NBEAL1: variants seen among roughly 807,000 people sequenced by gnomAD.
The protein encoded by NBEAL1 is neurobeachin like 1, also known as neurobeachin-like protein 1.
Under a neutral mutation model 351.3 loss-of-function variants are expected in NBEAL1, and 273 were observed. The ratio of observed to expected loss-of-function variants is 0.78; its 90% CI spans 0.70 to 0.86. The LOEUF is 0.86. Among genes scored for constraint, NBEAL1 ranks in the 40% least tolerant of loss-of-function variants. NBEAL1 has a pLI of 0.00. For synonymous variants in NBEAL1, 1,050 were observed against 1,086.4 expected (o/e 0.97, Z 0.66); for missense variants, 2,961 against 3,201.3 (o/e 0.92, Z 1.81).
At chr2:203,026,261 G>T (rs185368195) in intron 2 of NBEAL1, among the ~76,000 whole-genome samples, 2 of 152,046 alleles carry the variant, frequency 1.3e-5, no homozygotes, top group African/African-American at 4.8e-5. Flanking sequence ...AATTTATAAT[G>T]TTAGATATTT....
At position 203,107,970 on chromosome 2, in the gene NBEAL1, T is replaced by A. The variant is rs773238185; in HGVS notation, c.1731T>A (p.Thr577=). 10 of 1,554,316 alleles carry A rather than the reference T, an allele frequency of 6.4e-6. No homozygotes were observed. Among genetic ancestry groups the A allele is most frequent in the Non-Finnish European group, 8.7e-6 (10 of 1,147,812 alleles). The change falls in exon 14 of 56, where the codon ACT becomes ACA. Residue 577 remains threonine (T), a synonymous_variant. Coordinates refer to ENST00000683969, the MANE Select transcript of NBEAL1 (RefSeq NM_001378026.1). ...CTGAGTCTGTTCACCCTTATGTCAC[T>A]CCCGTGACTCGAGCAATCCTGACAA... ...DESESVHPYV[T]PVTRAILTMA...
In NBEAL1 at chr2:203,115,882, G is replaced by T. The variant is rs1344516024; in HGVS notation, c.2507-103G>T. On this transcript the variant is annotated intron_variant, in intron 17 of 55. Coordinates refer to ENST00000683969, the MANE Select transcript of NBEAL1 (RefSeq NM_001378026.1). Reference sequence around the variant, plus strand: ...TTAATGAGTTTCAGCTGTGTTGTTTGAGTAGCTTGAAACAGCTTAATTTTA... The same window carrying T: ...TTAATGAGTTTCAGCTGTGTTGTTTTAGTAGCTTGAAACAGCTTAATTTTA... 27 of 677,234 alleles carry T rather than the reference G, an allele frequency of 4.0e-5. No homozygotes were observed. The highest frequency in any genetic ancestry group is 6.6e-5 in the Non-Finnish European group (27 of 407,950). 42.0% of individuals were successfully genotyped at this position (677,234 alleles called of 1,614,324 possible). A position where few individuals can be genotyped will look rare whatever the true frequency, so the allele number is the denominator to read the frequency against.
In NBEAL1 at chr2:203,062,171, G is replaced by A. The variant is rs895980717; in HGVS notation, c.515+4718G>A. 2.4e-6 allele frequency: 1 copy of A among 424,642 alleles called. No homozygotes were observed. The highest frequency in any genetic ancestry group is 4.7e-6 in the Non-Finnish European group (1 of 214,992). The allele number at this position is 424,642 out of a possible 1,614,324, so 26.3% of individuals were successfully genotyped here. On this transcript the variant is annotated intron_variant, in intron 6 of 55. Transcript: ENST00000683969. This position sits in a 1 kb window ranked among gnomAD's most constrained non-coding sequence, Gnocchi z 4.2. ...TTCTGGCTGAAGGTTTCTCCACCTT[G>A]ACTATTTTGTTTACCTTCACACAGT...
Position 203,126,924 on chromosome 2 carries a change from T to A in NBEAL1, c.3246T>A (p.Tyr1082Ter). 1 of 1,532,512 alleles carries A rather than the reference T, an allele frequency of 6.5e-7. No homozygotes were observed. 94.9% of individuals were successfully genotyped at this position (1,532,512 alleles called of 1,614,324 possible). A position where few individuals can be genotyped will look rare whatever the true frequency, so the allele number is the denominator to read the frequency against. Residue 1082 changes from tyrosine to a stop codon, truncating the protein, a stop_gained and splice_region_variant, in exon 23 of 56, where the codon TAT becomes TAA. Transcript: ENST00000683969. LOFTEE classifies it high-confidence loss of function. ...QFLLDTLRIYYGNGCKYNELS... is the reference protein window; with the variant it reads ...QFLLDTLRIY The stretch of plus-strand genomic sequence containing the variant: ...TCCTAGATACACTTAGGATTTATTA[T>A]GGGTATGATGCCCTTGTTCTTTCTC...
At chr2:203,145,290 G>T in intron 33 of NBEAL1, 130 bp downstream of exon 33, 1 of 811,478 alleles carries the variant, frequency 1.2e-6, no homozygotes, top group Non-Finnish European at 1.8e-6. Flanking sequence ...AATTATCTTA[G>T]AATTAGAAGA....
chr2:203,073,878 G>T (rs1007332228), intron 7 of NBEAL1, among the ~76,000 whole-genome samples: 1 of 152,058 alleles, frequency 6.6e-6, no homozygotes, highest in Non-Finnish European at 1.5e-5. Context: ...CTTTAGTTGT[G>T]CCCCACAGAT....
chr2:203,214,396 C>T (rs551510287), intron 55 of NBEAL1, among the ~76,000 whole-genome samples: 2 of 152,196 alleles, frequency 1.3e-5, no homozygotes, highest in East Asian at 1.9e-4. Flanking sequence ...ATCGTAAAAA[C>T]CTGTTTTATA....
chr2:203,066,197 T>C (rs1045278960), intron 6 of NBEAL1, among the ~76,000 whole-genome samples: 4 of 152,246 alleles, frequency 2.6e-5, no homozygotes, highest in Non-Finnish European at 5.9e-5. Flanking sequence ...AGGATGTTTA[T>C]TGTTTGTAGC....
At chr2:203,042,776 C>CAGGG (rs1289896524) in intron 3 of NBEAL1, among the ~76,000 whole-genome samples, 1 of 151,954 alleles carries the variant, frequency 6.6e-6, no homozygotes, top group Non-Finnish European at 1.5e-5. Flanking sequence ...TTGGTAGAGA[C>CAGGG]AGGGTTTCAC....
intron 2 of NBEAL1, among the ~76,000 whole-genome samples, chr2:203,034,405 C>T (rs537455802): frequency 7.3e-6 from 1 of 137,534 alleles, no homozygotes; most frequent in East Asian, 2.0e-4. Context: ...GATCCGCCCA[C>T]CTTGGCCTCC....
chr2:203,164,538 C>A (rs1042818246), intron 36 of NBEAL1, among the ~76,000 whole-genome samples: 3 of 151,766 alleles, frequency 2.0e-5, no homozygotes, highest in African/African-American at 7.3e-5. Flanking sequence ...ATATAAATAA[C>A]CCTCAGACTA....
chr2:203,207,614 C>T (rs572862863), intron 51 of NBEAL1, among the ~76,000 whole-genome samples: 1 of 152,282 alleles, frequency 6.6e-6, no homozygotes, highest in East Asian at 1.9e-4. Context: ...TGACCTTACC[C>T]CCAACCCTGT....
At chr2:203,124,107 C>A (rs1416460987) in intron 19 of NBEAL1, among the ~76,000 whole-genome samples, 1 of 152,118 alleles carries the variant, frequency 6.6e-6, no homozygotes, top group East Asian at 1.9e-4. Context: ...GAGGCCATGG[C>A]GGGCAAATTG....
chr2:203,107,972 C>T lies in NBEAL1; in HGVS notation c.1733C>T (p.Pro578Leu). The T allele has an allele frequency of 6.4e-7, 1 of 1,554,480 alleles. No individual in the cohort carries two copies. Among genetic ancestry groups the T allele is most frequent in the Non-Finnish European group, 8.7e-7 (1 of 1,147,830 alleles). ...ESESVHPYVTPVTRAILTMAR... is the reference protein window; with the variant it reads ...ESESVHPYVTLVTRAILTMAR... ...GAGTCTGTTCACCCTTATGTCACTC[C>T]CGTGACTCGAGCAATCCTGACAATG... The change falls in exon 14 of 56, where the codon CCC becomes CTC. Residue 578 changes from proline (P) to leucine (L), a missense_variant. Transcript: ENST00000683969.
chr2:203,193,720 A>G lies in NBEAL1; in HGVS notation c.6922-75A>G, dbSNP rs138085115. The G allele has an allele frequency of 7.5e-6, 7 of 929,208 alleles. No individual in the cohort carries two copies. The African/African-American group carries it at 9.8e-5, about 13-fold the overall frequency. 57.6% of individuals were successfully genotyped at this position (929,208 alleles called of 1,614,324 possible). A position where few individuals can be genotyped will look rare whatever the true frequency, so the allele number is the denominator to read the frequency against. On this transcript the variant is annotated intron_variant, in intron 46 of 55. Transcript: ENST00000683969. Reference sequence around the variant, plus strand: ...ATGTAATTCATTGTAGCTAGAGCCTAGTGTATATGAAGGAACATAGTGAGA... The same window carrying G: ...ATGTAATTCATTGTAGCTAGAGCCTGGTGTATATGAAGGAACATAGTGAGA...
intron 6 of NBEAL1, among the ~76,000 whole-genome samples, chr2:203,060,313 C>G (rs1267855348): frequency 2.0e-5 from 3 of 151,352 alleles, no homozygotes; most frequent in African/African-American, 7.3e-5. Flanking sequence ...TTGATAATAA[C>G]TATTAAAAAG....
intron 44 of NBEAL1, among the ~76,000 whole-genome samples, chr2:203,187,367 GTTTT>G (rs71034225): frequency 3.4e-5 from 3 of 87,790 alleles, no homozygotes; most frequent in Non-Finnish European, 4.2e-5. Context: ...TCTTGCAATG[GTTTT>G]TTTTTTTTTT....
rs116385309 is a variant in NBEAL1 at position 203,094,597 on chromosome 2, T to G, written c.1099-2950T>G. 7.0e-3 allele frequency among the ~76,000 whole-genome samples: 1,066 copies of G among 152,332 alleles called. 7 individuals carry two copies. Among genetic ancestry groups the G allele is most frequent in the Non-Finnish European group, 0.012 (784 of 68,034 alleles). On this transcript the variant is annotated intron_variant, in intron 10 of 55. Coordinates refer to ENST00000683969, the MANE Select transcript of NBEAL1 (RefSeq NM_001378026.1). ...TCTTTTTGTATGAGATTCGTCAGCCTATTTAAGTATGCGTTGATTTCCGTA... is the reference window on the plus strand; with the variant it reads ...TCTTTTTGTATGAGATTCGTCAGCCGATTTAAGTATGCGTTGATTTCCGTA...
Position 203,062,496 on chromosome 2 carries a change from G to A in NBEAL1, c.515+5043G>A. 6.2e-6 allele frequency: 2 copies of A among 324,540 alleles called. No individual in the cohort carries two copies. The highest frequency in any genetic ancestry group is 1.2e-5 in the Non-Finnish European group (2 of 167,636). The allele number at this position is 324,540 out of a possible 1,614,324, so 20.1% of individuals were successfully genotyped here. On this transcript the variant is annotated intron_variant, in intron 6 of 55. Coordinates refer to ENST00000683969, the MANE Select transcript of NBEAL1 (RefSeq NM_001378026.1). The surrounding 1 kb of genome is among the most constrained non-coding windows in gnomAD (Gnocchi z 4.2). ...CAGAGGCTGCCCCAGAACCACCTAA[G>A]GCCTCTCAGAGCTGAGGAGAGGGAG...
Sources: gnomAD v4.1 joint callset for allele counts (sites outside exome capture counted in the v4.1 genomes callset) on GRCh38, gnomAD v4.1.1 for gene constraint, Gnocchi (gnomAD v3.1) non-coding constraint, MANE v1.5 for transcripts, NCBI Gene and HGNC (gene_info 2026-07-23, HGNC 2026-07-21) for gene names.